TAFA1: variants seen among roughly 807,000 people sequenced by gnomAD.
TAFA1 encodes the protein chemokine-like protein TAFA-1.
A neutral mutation model predicts 18.5 loss-of-function variants in TAFA1; 4 were observed. The observed-to-expected ratio is 0.22, with a 90% CI of 0.11 to 0.49. TAFA1 has a LOEUF of 0.49. Among genes scored for constraint, TAFA1 ranks in the 20% least tolerant of loss-of-function variants. The pLI, the probability that TAFA1 is intolerant of heterozygous loss-of-function variation, is 0.98. For missense variants in TAFA1, 147 were observed against 169.0 expected (o/e 0.87, Z 0.72); for synonymous variants, 56 against 55.2 (o/e 1.01, Z -0.06).
chr3:68,342,967 T>G (rs2069108953), intron 2 of TAFA1, among the ~76,000 whole-genome samples: 1 of 152,210 alleles, frequency 6.6e-6, no homozygotes, highest in East Asian at 1.9e-4. Flanking sequence ...GGCCTTTTCT[T>G]ATTCAAAGAT....
At chr3:68,119,549 G>T (rs1349287590) in intron 2 of TAFA1, among the ~76,000 whole-genome samples, 2 of 149,854 alleles carry the variant, frequency 1.3e-5, no homozygotes, top group Non-Finnish European at 3.0e-5. Context: ...TTTGTATATG[G>T]TATATGGTAA....
chr3:68,442,097 T>A (rs2071394458), intron 3 of TAFA1, among the ~76,000 whole-genome samples: 1 of 152,168 alleles, frequency 6.6e-6, no homozygotes, highest in Admixed American at 6.5e-5. Flanking sequence ...GCTTCCACAT[T>A]TTCAGGTATT....
chr3:68,143,794 A>T (rs2065700220), intron 2 of TAFA1, among the ~76,000 whole-genome samples: 1 of 152,224 alleles, frequency 6.6e-6, no homozygotes, highest in African/African-American at 2.4e-5. Context: ...AAGATGGGTC[A>T]TTCCTGGAGA....
intron 3 of TAFA1, among the ~76,000 whole-genome samples, chr3:68,503,629 C>T (rs547575937): frequency 3.3e-4 from 50 of 152,236 alleles, no homozygotes; most frequent in African/African-American, 1.2e-3. Context: ...TGTGAATATA[C>T]TCAAAGCCAC....
intron 2 of TAFA1, among the ~76,000 whole-genome samples, chr3:68,349,832 G>C (rs1355383485): frequency 6.6e-6 from 1 of 152,204 alleles, no homozygotes; most frequent in East Asian, 1.9e-4. Flanking sequence ...CCCTAGTGGG[G>C]ATGCGGAAGG....
At chr3:68,113,112 A>C (rs1354712664) in intron 2 of TAFA1, among the ~76,000 whole-genome samples, 2 of 152,160 alleles carry the variant, frequency 1.3e-5, no homozygotes, top group Non-Finnish European at 2.9e-5. Context: ...TAATCAAGAC[A>C]CTCTTGAAAA....
At chr3:68,436,920 A>T (rs1303060128) in intron 3 of TAFA1, among the ~76,000 whole-genome samples, 1 of 151,774 alleles carries the variant, frequency 6.6e-6, no homozygotes, top group African/African-American at 2.4e-5. Context: ...TTATTAGAAA[A>T]CTCTAAATAG....
In TAFA1 at chr3:68,148,666, A is replaced by T. The variant is rs74518544; in HGVS notation, c.118+141922A>T. On this transcript the variant is annotated intron_variant, in intron 2 of 4. Transcript: ENST00000478136. ...GTTCAGCCTTCCTCCCAACTCCGGC[A>T]GCTTTCCAAAGCAGCCTCCTGATTC... Among the ~76,000 whole-genome samples, 1,106 of 152,256 alleles carry T rather than the reference A, an allele frequency of 7.3e-3. 47 individuals carry two copies. In the East Asian group the frequency reaches 0.11, roughly 16 times the overall value.
chr3:68,041,922 C>T (rs779965138), intron 2 of TAFA1, among the ~76,000 whole-genome samples: 4 of 152,072 alleles, frequency 2.6e-5, no homozygotes, highest in Admixed American at 2.6e-4. Context: ...AAATCATGGA[C>T]CTGGAGTAGA....
intron 2 of TAFA1, among the ~76,000 whole-genome samples, chr3:68,209,310 A>AG (rs2066565538): frequency 1.3e-5 from 2 of 151,976 alleles, no homozygotes; most frequent in East Asian, 3.9e-4. Context: ...AAGCCACTAG[A>AG]TCTGTGGTGA....
At chr3:68,335,970 A>G (rs2106741281) in intron 2 of TAFA1, among the ~76,000 whole-genome samples, 1 of 152,052 alleles carries the variant, frequency 6.6e-6, no homozygotes, top group African/African-American at 2.4e-5. Flanking sequence ...CATCTCTTCC[A>G]CCTTAATATA....
At chr3:67,993,322 C>T in the TAFA1 span, among the ~76,000 whole-genome samples, 2 of 152,104 alleles carry the variant, frequency 1.3e-5, no homozygotes, top group Non-Finnish European at 2.9e-5. Flanking sequence ...AGTTTCTGGC[C>T]GAAGCACCTG....
chr3:68,180,103 C>A (rs1285332864), intron 2 of TAFA1, among the ~76,000 whole-genome samples: 1 of 151,230 alleles, frequency 6.6e-6, no homozygotes, highest in East Asian at 1.9e-4. Context: ...TCTGGGCTCA[C>A]TGCAACCTCC....
chr3:68,239,912 A>G (rs2066975153), intron 2 of TAFA1, among the ~76,000 whole-genome samples: 1 of 152,248 alleles, frequency 6.6e-6, no homozygotes, highest in South Asian at 2.1e-4. Context: ...ATAGCACCTT[A>G]TAAATAAATG....
Position 68,078,639 on chromosome 3 carries a change from C to A in TAFA1, c.118+71895C>A, listed in dbSNP as rs962276096. 4.6e-5 allele frequency among the ~76,000 whole-genome samples: 7 copies of A among 152,088 alleles called. No homozygotes were observed. In the East Asian group the frequency reaches 9.7e-4, roughly 21 times the overall value. ...TATTGATTTGTGTATATTGAACCAG[C>A]CTTGCATCCCAGGGATGAAGCCCAC... On this transcript the variant is annotated intron_variant, in intron 2 of 4. Transcript: ENST00000478136.
intron 2 of TAFA1, among the ~76,000 whole-genome samples, chr3:68,163,269 C>T (rs950395433): frequency 2.0e-5 from 3 of 152,196 alleles, no homozygotes; most frequent in Non-Finnish European, 4.4e-5. Context: ...GCTTAGTACA[C>T]TGGGTTAAGC....
intron 2 of TAFA1, among the ~76,000 whole-genome samples, chr3:68,259,180 T>C (rs1215316466): frequency 2.6e-5 from 4 of 152,198 alleles, no homozygotes; most frequent in Non-Finnish European, 5.9e-5. Context: ...TGCTAGGGTA[T>C]TTTTAATGAC....
In TAFA1 at chr3:68,461,379, ATG is replaced by A. The variant is rs1451731025; in HGVS notation, c.259+43961_259+43962del. Among the ~76,000 whole-genome samples the A allele has an allele frequency of 1.8e-3, 259 of 141,318 alleles. 6 individuals carry two copies. Among genetic ancestry groups the A allele is most frequent in the Middle Eastern group, 7.5e-3 (2 of 268 alleles). 92.7% of individuals were successfully genotyped at this position (141,318 alleles called of 152,430 possible). ...AAAGTGCATATATATATATATATAT[ATG>A]TATGTATGTATATATCCATCCCATC... On this transcript the variant is annotated intron_variant, in intron 3 of 4. Transcript: ENST00000478136.
chr3:68,280,562 A>G (rs1446427032), intron 2 of TAFA1, among the ~76,000 whole-genome samples: 2 of 152,140 alleles, frequency 1.3e-5, no homozygotes, highest in African/African-American at 4.8e-5. Context: ...CATCATTACA[A>G]AACAACCCTA....
Sources: gnomAD v4.1 joint callset for allele counts (sites outside exome capture counted in the v4.1 genomes callset) on GRCh38, gnomAD v4.1.1 for gene constraint, MANE v1.5 for transcripts, NCBI Gene and HGNC (gene_info 2026-07-23, HGNC 2026-07-21) for gene names.